The following CAPN11 variants were observed in gnomAD, a reference collection of about 807,000 sequenced individuals.
CAPN11 encodes calpain 11, also known as calpain-11.
In CAPN11, 108 loss-of-function variants were observed where a neutral mutation model predicts 105.3. That is an observed-to-expected ratio of 1.03 (90% CI 0.88 to 1.20). The LOEUF (loss-of-function observed/expected upper bound fraction) is 1.20, where lower values mean the gene tolerates loss of function less well. CAPN11 is among the 50% of genes most tolerant of loss of function. The probability of loss-of-function intolerance (pLI) is 0.00; values close to 1 mark genes in which losing one functional copy is unlikely to be tolerated. For synonymous variants in CAPN11, 329 were observed against 344.5 expected (o/e 0.96, Z 0.50); for missense variants, 883 against 924.8 (o/e 0.95, Z 0.59).
In CAPN11 at chr6:44,181,211, C is replaced by A. The variant is rs145556985; in HGVS notation, c.1870-41C>A. The A allele has an allele frequency of 8.7e-4, 1,380 of 1,586,136 alleles. 10 individuals carry two copies. The African/African-American group carries it at 0.016, about 19-fold the overall frequency. On this transcript the variant is annotated intron_variant, in intron 18 of 22. Transcript: ENST00000398776. ...CGCTGCTTCCCTATCCCCTGGGATG[C>A]CTTCTTCACTCCTTCTCTGCTGTCC...
At chr6:44,160,027 G>A (rs1237173672) in intron 1 of CAPN11, among the ~76,000 whole-genome samples, 2 of 151,852 alleles carry the variant, frequency 1.3e-5, no homozygotes, top group South Asian at 2.1e-4. Flanking sequence ...CCAGCTACTC[G>A]GGAGGCTGAG....
intron 7 of CAPN11, among the ~76,000 whole-genome samples, chr6:44,173,718 G>A (rs1480402760): frequency 2.6e-5 from 4 of 151,970 alleles, no homozygotes; most frequent in Admixed American, 2.6e-4. Context: ...AAGGAGCTGG[G>A]ATTACAGCCG....
In CAPN11 at chr6:44,173,264, G is replaced by A. The variant is rs202150569; in HGVS notation, c.709G>A (p.Gly237Ser). 261 of 1,613,798 alleles carry A rather than the reference G, an allele frequency of 1.6e-4. No individual in the cohort carries two copies. The highest frequency in any genetic ancestry group is 2.0e-4 in the Non-Finnish European group (241 of 1,179,872). ...ATTGTCAGGGGGCAGTACCATGGAG[G>A]GCCTTGAGGACTTCACAGGAGGCGT... ...EALSGGSTMEGLEDFTGGVAQ... is the reference protein window; with the variant it reads ...EALSGGSTMESLEDFTGGVAQ... The change falls in exon 7 of 23, where the codon GGC (glycine) becomes AGC (serine). Residue 237 changes from glycine (G) to serine (S), a missense_variant. Transcript: ENST00000398776.
intron 14 of CAPN11, 66 bp from the exon 15 acceptor site, chr6:44,180,394 G>A (rs1361071580): frequency 1.4e-6 from 2 of 1,467,954 alleles, no homozygotes; most frequent in Non-Finnish European, 1.9e-6. Flanking sequence ...GACCCCCAGA[G>A]CACCCCACTA....
At chr6:44,182,297 A>AGAAAATCATGTCGTGTGAAGGAATACAAG (rs1773874012) in intron 19 of CAPN11, among the ~76,000 whole-genome samples, 1 of 134,910 alleles carries the variant, frequency 7.4e-6, no homozygotes, top group African/African-American at 3.5e-5. Flanking sequence ...ACACACACAC[A>AGAAAATCATGTCGTGTGAAGGAATACAAG]CACACACACA....
intron 2 of CAPN11, among the ~76,000 whole-genome samples, chr6:44,168,159 C>T (rs797020051): frequency 1.3e-5 from 2 of 152,292 alleles, no homozygotes; most frequent in African/African-American, 4.8e-5. Flanking sequence ...TACCCTTTAG[C>T]CATCAACTTC....
intron 1 of CAPN11, among the ~76,000 whole-genome samples, chr6:44,161,045 A>G (rs1390379158): frequency 6.6e-6 from 1 of 152,076 alleles, no homozygotes; most frequent in Non-Finnish European, 1.5e-5. Flanking sequence ...AAGGGGAGCT[A>G]CTGTGTTGCT....
intron 19 of CAPN11, among the ~76,000 whole-genome samples, chr6:44,181,742 TCA>T (rs1190605994): frequency 8.7e-4 from 5 of 5,776 alleles, no homozygotes; most frequent in South Asian, 2.7e-3. Context: ...CACACCACAC[TCA>T]CACACACACA....
At chr6:44,168,316 C>T (rs959266433) in intron 2 of CAPN11, among the ~76,000 whole-genome samples, 1 of 152,122 alleles carries the variant, frequency 6.6e-6, no homozygotes, top group Admixed American at 6.5e-5. Flanking sequence ...GTCGCCCATG[C>T]TAGAGTTCGG....
rs878867230 is a variant in CAPN11, at chr6:44,166,810, G to A, written c.69G>A (p.Lys23=). Residue 23 remains lysine, a synonymous_variant, in exon 2 of 23, where the codon AAG becomes AAA. Coordinates refer to ENST00000398776, the MANE Select transcript of CAPN11 (RefSeq NM_007058.4). The stretch of plus-strand genomic sequence containing the variant: ...GCCTGGATGGATCACAGGAGGATAA[G>A]CCTCGGGGCTCATGTGCGGGTAGGA... The part of the protein sequence containing the change: ...AESLDGSQED[K]PRGSCAEPTF... The A allele has an allele frequency of 1.3e-6, 2 of 1,551,978 alleles. No individual in the cohort carries two copies. The highest frequency in any genetic ancestry group is 2.4e-5 in the East Asian group (1 of 40,918).
intron 1 of CAPN11, among the ~76,000 whole-genome samples, chr6:44,159,618 C>T (rs1436867703): frequency 2.6e-5 from 4 of 152,136 alleles, no homozygotes; most frequent in Non-Finnish European, 1.5e-5. Flanking sequence ...AAACCCAGTC[C>T]TTGTTCTTCA....
chr6:44,176,107 A>G lies in CAPN11; in HGVS notation c.871A>G (p.Met291Val). Residue 291 changes from methionine to valine, a missense_variant, in exon 8 of 23, where the codon ATG (methionine) becomes GTG (valine). By Grantham distance (21) the Met-to-Val change is conservative. Transcript: ENST00000398776. Reference protein sequence around the residue: ...DSELESMTDKMLVRGHAYSVT... With the variant: ...DSELESMTDKVLVRGHAYSVT... The stretch of plus-strand genomic sequence containing the variant: ...TGAACTGGAATCCATGACTGACAAG[A>G]TGCTGGTGAGAGGGCACGCTTACTC... 1 of 1,613,260 alleles carries G rather than the reference A, an allele frequency of 6.2e-7. No individual in the cohort carries two copies. Among genetic ancestry groups the G allele is most frequent in the Non-Finnish European group, 8.5e-7 (1 of 1,179,598 alleles).
chr6:44,172,317 T>TGGCTGAC lies in CAPN11; in HGVS notation c.430_431insACGGCTG (p.Ala144AspfsTer49). On this transcript the variant is annotated frameshift_variant, in exon 5 of 23. Transcript: ENST00000398776. LOFTEE classifies it high-confidence loss of function. ...GTCTTTCCAGGGGACTGCTGGCTGCTGGCTGCCATCGGCTCCCTTACCACC... is the reference window on the plus strand; with the variant it reads ...GTCTTTCCAGGGGACTGCTGGCTGCTGGCTGACGGCTGCCATCGGCTCCCTTACCACC... The TGGCTGAC allele has an allele frequency of 6.4e-7, 1 of 1,555,260 alleles. No homozygotes were observed. The highest frequency in any genetic ancestry group is 8.7e-7 in the Non-Finnish European group (1 of 1,149,448).
chr6:44,181,719 T>A (rs150059326), intron 19 of CAPN11, among the ~76,000 whole-genome samples: 468 of 1,528 alleles, frequency 0.31, 35 homozygotes, highest in African/African-American at 0.44. Context: ...ACACACACAC[T>A]CACAGACACA....
Position 44,169,516 on chromosome 6 carries a change from C to T in CAPN11, c.324C>T (p.Ser108=). The change falls in exon 3 of 23, where the codon TCC becomes TCT. Residue 108 remains serine (S), a synonymous_variant. Transcript: ENST00000398776. ...ACTCCAAAAATGTGCAGAACATCTCCTGGCAGCGGCCCAAGGTGGGCACTG... is the reference window on the plus strand; with the variant it reads ...ACTCCAAAAATGTGCAGAACATCTCTTGGCAGCGGCCCAAGGTGGGCACTG... The part of the protein sequence containing the change: ...GPNSKNVQNI[S]WQRPKDIINN... 6.3e-7 allele frequency: 1 copy of T among 1,582,972 alleles called. No homozygotes were observed.
At position 44,180,680 on chromosome 6, in the gene CAPN11, G is replaced by A. The variant is rs765130776; in HGVS notation, c.1746+18G>A. On this transcript the variant is annotated intron_variant, in intron 16 of 22. Transcript: ENST00000398776. ...CAGGAGAGGTGAGCAGGCCACGAGCGGAGGGCTGACAGGAGGGGGATGAGG... is the reference window on the plus strand; with the variant it reads ...CAGGAGAGGTGAGCAGGCCACGAGCAGAGGGCTGACAGGAGGGGGATGAGG... 21 of 1,613,538 alleles carry A rather than the reference G, an allele frequency of 1.3e-5. No homozygotes were observed. The highest frequency in any genetic ancestry group is 8.3e-5 in the Admixed American group (5 of 59,968).
intron 14 of CAPN11, 21 bp downstream of exon 14, chr6:44,180,184 G>T: frequency 6.4e-7 from 1 of 1,561,034 alleles, no homozygotes; most frequent in Non-Finnish European, 8.8e-7. Flanking sequence ...GCAGCTCACT[G>T]CTCCAAGGCC....
Position 44,180,451 on chromosome 6 carries a change from T to A in CAPN11, c.1641-9T>A. On this transcript the variant is annotated splice_polypyrimidine_tract_variant and intron_variant, in intron 14 of 22. Transcript: ENST00000398776. ...TGGTAACTCTTGAGCTTTCAATCAT[T>A]TTGCCCAGGGAATTGGATGAAGTCA... is the stretch of plus-strand genomic sequence containing the variant. The A allele has an allele frequency of 6.8e-6, 11 of 1,613,494 alleles. No individual in the cohort carries two copies. Among genetic ancestry groups the A allele is most frequent in the Non-Finnish European group, 9.3e-6 (11 of 1,179,742 alleles).
chr6:44,172,320 C>A lies in CAPN11; in HGVS notation c.428C>A (p.Ala143Asp). 1 of 1,556,124 alleles carries A rather than the reference C, an allele frequency of 6.4e-7. No homozygotes were observed. The highest frequency in any genetic ancestry group is 8.7e-7 in the Non-Finnish European group (1 of 1,149,982). ...TTTCCAGGGGACTGCTGGCTGCTGG[C>A]TGCCATCGGCTCCCTTACCACCTGC... ...QGILGDCWLL[A>D]AIGSLTTCPK... Residue 143 changes from alanine (A) to aspartate (D), a missense_variant, in exon 5 of 23, where the codon GCT (alanine) becomes GAT (aspartate). Physicochemically the swap from Ala to Asp is moderately radical, Grantham distance 126. Coordinates refer to ENST00000398776, the MANE Select transcript of CAPN11 (RefSeq NM_007058.4).
Sources: allele counts gnomAD v4.1 joint callset (sites outside exome capture counted in the v4.1 genomes callset), GRCh38; gene constraint gnomAD v4.1.1; transcripts MANE v1.5; gene names NCBI Gene and HGNC (gene_info 2026-07-23, HGNC 2026-07-21).